ADH7: variants seen among roughly 807,000 people sequenced by gnomAD.
The protein encoded by ADH7 is alcohol dehydrogenase 7 (class IV), mu or sigma polypeptide.
Under a neutral mutation model 34.4 loss-of-function variants are expected in ADH7, and 41 were observed. The ratio of observed to expected loss-of-function variants is 1.19; its 90% CI spans 0.93 to 1.55. ADH7 has a LOEUF of 1.55. ADH7 is among the 40% of genes most tolerant of loss of function. ADH7 has a pLI of 0.00. For missense variants in ADH7, 540 were observed against 461.2 expected (o/e 1.17, Z -1.56); for synonymous variants, 180 against 160.9 (o/e 1.12, Z -0.90).
intron 1 of ADH7, among the ~76,000 whole-genome samples, chr4:99,431,566 A>C (rs1328996285): frequency 1.3e-5 from 2 of 152,210 alleles, no homozygotes; most frequent in Non-Finnish European, 2.9e-5. Flanking sequence ...TTTGCAAACT[A>C]TGCATCTAAC....
At chr4:99,431,685 C>T (rs540502278) in intron 1 of ADH7, among the ~76,000 whole-genome samples, 1 of 152,030 alleles carries the variant, frequency 6.6e-6, no homozygotes, top group African/African-American at 2.4e-5. Context: ...TTTTTCAAAA[C>T]AAAACATACT....
At chr4:99,433,267 A>C (rs1343376302) in intron 1 of ADH7, among the ~76,000 whole-genome samples, 1 of 152,186 alleles carries the variant, frequency 6.6e-6, no homozygotes, top group Non-Finnish European at 1.5e-5. Context: ...AAATTGTGCT[A>C]AATGCAGAAA....
chr4:99,417,695 C>T (rs1430470905), intron 7 of ADH7, among the ~76,000 whole-genome samples: 2 of 152,158 alleles, frequency 1.3e-5, no homozygotes, highest in Non-Finnish European at 2.9e-5. Context: ...CCGTTCCTAG[C>T]TCCTGGAATG....
chr4:99,423,594 A>G (rs1721723656), intron 5 of ADH7, among the ~76,000 whole-genome samples: 1 of 152,066 alleles, frequency 6.6e-6, no homozygotes, highest in East Asian at 1.9e-4. Flanking sequence ...ATGGTATCTC[A>G]TTGTGGTTTT....
At chr4:99,424,139 C>T (rs1721740524) in intron 5 of ADH7, among the ~76,000 whole-genome samples, 1 of 152,104 alleles carries the variant, frequency 6.6e-6, no homozygotes, top group Admixed American at 6.5e-5. Flanking sequence ...ATAGGGAATC[C>T]CTTCCCCATT....
chr4:99,416,727 C>A (rs1721527401), intron 7 of ADH7, among the ~76,000 whole-genome samples: 1 of 151,952 alleles, frequency 6.6e-6, no homozygotes, highest in Non-Finnish European at 1.5e-5. Flanking sequence ...GTTTCTATAC[C>A]CATCCTAAAC....
At chr4:99,423,713 T>A (rs569126433) in intron 5 of ADH7, among the ~76,000 whole-genome samples, 2 of 152,344 alleles carry the variant, frequency 1.3e-5, no homozygotes, top group Admixed American at 6.5e-5. Context: ...TTGCCCACTT[T>A]TTGATGGGGT....
intron 6 of ADH7, 53 bp from the exon 7 acceptor site, chr4:99,419,174 C>T: frequency 6.3e-7 from 1 of 1,581,750 alleles, no homozygotes; most frequent in Non-Finnish European, 8.6e-7. Context: ...TACAGTGTGA[C>T]ATAAGCTCTG....
chr4:99,429,497 G>T (rs758075740), intron 2 of ADH7, 35 bp downstream of exon 2: 3 of 1,495,590 alleles, frequency 2.0e-6, no homozygotes, highest in Non-Finnish European at 2.8e-6. Context: ...GTTTGATAAC[G>T]CTTTTGGCTT....
At chr4:99,434,937 A>G in intron 1 of ADH7, 1 of 1,191,646 alleles carries the variant, frequency 8.4e-7, no homozygotes, top group Non-Finnish European at 1.2e-6. Flanking sequence ...AGCTATCCGG[A>G]AATCAAATTA....
intron 7 of ADH7, among the ~76,000 whole-genome samples, chr4:99,416,360 T>C (rs1330249006): frequency 1.3e-5 from 2 of 152,242 alleles, no homozygotes; most frequent in East Asian, 3.9e-4. Context: ...TGTCCTGTAA[T>C]GGATATCATC....
At chr4:99,426,663 C>T (rs918163589) in intron 5 of ADH7, among the ~76,000 whole-genome samples, 27 of 152,176 alleles carry the variant, frequency 1.8e-4, no homozygotes, top group African/African-American at 5.8e-4. Context: ...CCTTCTGAAA[C>T]TATTCCAATC....
In ADH7 at chr4:99,435,221, C is replaced by A. The variant is rs191030781; in HGVS notation, c.13G>T (p.Gly5Ter). 5.8e-5 allele frequency: 94 copies of A among 1,613,280 alleles called. 1 individual carries two copies. The East Asian group carries it at 1.8e-3, about 31-fold the overall frequency. ...GACAGAAATGTTCCACTTACTTTTC[C>A]AGCAGTGCCCATCCTGTCTTTGTCT... The part of the protein sequence containing the change: MGTA[G>*]KVIKCKAAVL... The change falls in exon 1 of 9, where the codon GGA (glycine) becomes TGA (stop). Residue 5 changes from glycine to a stop codon, truncating the protein, a stop_gained. Transcript: ENST00000437033. LOFTEE classifies it high-confidence loss of function.
rs1012973975 is a variant in ADH7 at position 99,428,360 on chromosome 4, C to T, written c.259+132G>A. 5 of 1,317,258 alleles carry T rather than the reference C, an allele frequency of 3.8e-6. No homozygotes were observed. The African/African-American group carries it at 5.9e-5, about 16-fold the overall frequency. 81.6% of individuals were successfully genotyped at this position (1,317,258 alleles called of 1,614,324 possible). A position where few individuals can be genotyped will look rare whatever the true frequency, so the allele number is the denominator to read the frequency against. On this transcript the variant is annotated intron_variant, in intron 3 of 8. Coordinates refer to ENST00000437033, the MANE Select transcript of ADH7 (RefSeq NM_000673.7). ...AAATTAAACATTACTCAGTAAAATC[C>T]ATTCTTGTATCCTTTTAATTCCCTG...
chr4:99,426,032 C>A (rs938696391), intron 5 of ADH7, among the ~76,000 whole-genome samples: 9 of 152,110 alleles, frequency 5.9e-5, no homozygotes, highest in Admixed American at 3.3e-4. Context: ...ACACAGCATT[C>A]GAGAATCTCT....
At chr4:99,420,033 G>T (rs1221330533) in intron 6 of ADH7, among the ~76,000 whole-genome samples, 2 of 152,134 alleles carry the variant, frequency 1.3e-5, no homozygotes, top group African/African-American at 4.8e-5. Flanking sequence ...GGCATGGTTA[G>T]AAAATTGAAG....
chr4:99,433,006 A>T (rs931857555), intron 1 of ADH7, among the ~76,000 whole-genome samples: 3 of 152,148 alleles, frequency 2.0e-5, no homozygotes, highest in Non-Finnish European at 4.4e-5. Flanking sequence ...TGAGAACTTA[A>T]TGAGAATACA....
intron 5 of ADH7, among the ~76,000 whole-genome samples, chr4:99,424,457 A>C (rs1721749245): frequency 6.6e-6 from 1 of 152,152 alleles, no homozygotes; most frequent in Non-Finnish European, 1.5e-5. Flanking sequence ...TGAATCTATA[A>C]ATTACCTTGG....
At chr4:99,428,807 C>G (rs1044095591) in intron 2 of ADH7, among the ~76,000 whole-genome samples, 177 bp from the exon 3 acceptor site, 1 of 152,232 alleles carries the variant, frequency 6.6e-6, no homozygotes, top group African/African-American at 2.4e-5. Context: ...AGATCCCTCT[C>G]TGACGGAACT....
Sources: allele counts gnomAD v4.1 joint callset (sites outside exome capture counted in the v4.1 genomes callset), GRCh38; gene constraint gnomAD v4.1.1; transcripts MANE v1.5; gene names NCBI Gene and HGNC (gene_info 2026-07-23, HGNC 2026-07-21).